Variants in FAM193A observed in about 807,000 individuals in gnomAD.
The protein encoded by FAM193A is family with sequence similarity 193 member A, also known as protein FAM193A.
FAM193A carries 22 observed loss-of-function variants against 126.5 expected under a neutral mutation model. That is an observed-to-expected ratio of 0.17 (90% CI 0.12 to 0.25). The LOEUF is 0.25. Among genes scored for constraint, FAM193A ranks in the 10% least tolerant of loss-of-function variants. The probability of loss-of-function intolerance (pLI) is 1.00; values close to 1 mark genes in which losing one functional copy is unlikely to be tolerated. For synonymous variants in FAM193A, 761 were observed against 646.8 expected, an observed-to-expected ratio of 1.18 and a Z score of -2.68; for missense variants, 1,675 against 1,672.8, an observed-to-expected ratio of 1.00 and a Z score of -0.02.
intron 20 of FAM193A, among the ~76,000 whole-genome samples, chr4:2,727,832 CT>C (rs1219551132): frequency 1.3e-5 from 2 of 151,972 alleles, no homozygotes; most frequent in Non-Finnish European, 2.9e-5. Flanking sequence ...CCCCAAAAGA[CT>C]TTCTAAAAAT....
intron 19 of FAM193A, among the ~76,000 whole-genome samples, chr4:2,706,213 A>G (rs1577243298): frequency 1.3e-5 from 2 of 152,138 alleles, no homozygotes; most frequent in East Asian, 3.8e-4. Context: ...TTCTACAAAA[A>G]CAAAAATAAA....
In FAM193A at chr4:2,696,232, G is replaced by A. The variant is rs532102131; in HGVS notation, c.3277-131G>A. 1.6e-4 allele frequency: 102 copies of A among 651,316 alleles called. No homozygotes were observed. The African/African-American group carries it at 1.8e-3, about 12-fold the overall frequency. The allele number at this position is 651,316 out of a possible 1,614,324, so 40.3% of individuals were successfully genotyped here. A position where few individuals can be genotyped will look rare whatever the true frequency, so the allele number is the denominator to read the frequency against. The stretch of plus-strand genomic sequence containing the variant: ...TTTTTCTCTTTTTCTGCTGGTTGTT[G>A]TATTTCCTTATTTTTCACAACAAAT... On this transcript the variant is annotated intron_variant, in intron 17 of 20. Transcript: ENST00000637812.
intron 13 of FAM193A, among the ~76,000 whole-genome samples, chr4:2,683,421 G>C (rs1310653183): frequency 6.6e-6 from 1 of 151,878 alleles, no homozygotes; most frequent in East Asian, 1.9e-4. Flanking sequence ...CAGCCTCCCA[G>C]GTAGCTGGGA....
At chr4:2,664,287 C>T (rs889241414) in intron 12 of FAM193A, among the ~76,000 whole-genome samples, 2 of 152,146 alleles carry the variant, frequency 1.3e-5, no homozygotes. Context: ...ATAAATTCAC[C>T]TTTTCTGCAT....
intron 15 of FAM193A, among the ~76,000 whole-genome samples, chr4:2,692,454 A>G (rs1250890528): frequency 6.6e-6 from 1 of 152,192 alleles, no homozygotes; most frequent in Non-Finnish European, 1.5e-5. Flanking sequence ...CTGGGTACCG[A>G]CAGATTACAA....
At chr4:2,714,578 C>T (rs576936666) in intron 19 of FAM193A, among the ~76,000 whole-genome samples, 2 of 152,248 alleles carry the variant, frequency 1.3e-5, no homozygotes, top group East Asian at 3.9e-4. Context: ...CAGTTGGGAT[C>T]CGAGATAGCC....
intron 2 of FAM193A, among the ~76,000 whole-genome samples, chr4:2,617,586 A>AT (rs1001594554): frequency 1.3e-5 from 2 of 151,472 alleles, no homozygotes; most frequent in African/African-American, 2.4e-5. Flanking sequence ...AAACTCTTTC[A>AT]TTTTGTCTCC....
At chr4:2,725,555 C>T (rs1002906189) in intron 20 of FAM193A, among the ~76,000 whole-genome samples, 21 of 151,042 alleles carry the variant, frequency 1.4e-4, no homozygotes, top group African/African-American at 4.7e-4. Flanking sequence ...GAGTAATCCA[C>T]CTGCTGTATT....
chr4:2,602,179 A>G (rs1467854040), intron 2 of FAM193A, among the ~76,000 whole-genome samples: 1 of 151,796 alleles, frequency 6.6e-6, no homozygotes, highest in Middle Eastern at 3.4e-3. Context: ...CTATATATTA[A>G]TATTTGATTG....
At chr4:2,655,265 G>C (rs1711538086) in intron 7 of FAM193A, 2 of 464,488 alleles carry the variant, frequency 4.3e-6, no homozygotes, top group South Asian at 1.0e-4. Context: ...TGTCAAAATT[G>C]ATGGTATGAT....
chr4:2,601,563 C>CT (rs201363643), intron 2 of FAM193A, among the ~76,000 whole-genome samples: 4,216 of 151,634 alleles, frequency 0.028, 180 homozygotes, highest in African/African-American at 0.096. Flanking sequence ...TTTGTGCCTT[C>CT]TTTTTTTTCT....
intron 14 of FAM193A, among the ~76,000 whole-genome samples, chr4:2,690,324 C>G (rs903425691): frequency 6.6e-6 from 1 of 152,212 alleles, no homozygotes; most frequent in South Asian, 2.1e-4. Context: ...TGTGCCAGAA[C>G]AGCAGGCTAG....
chr4:2,658,382 C>T (rs925902015), intron 8 of FAM193A, among the ~76,000 whole-genome samples: 2 of 152,128 alleles, frequency 1.3e-5, no homozygotes, highest in East Asian at 1.9e-4. Flanking sequence ...ATCTTCCTGG[C>T]GGTGCCTCCT....
intron 13 of FAM193A, among the ~76,000 whole-genome samples, chr4:2,672,675 C>T (rs1293739620): frequency 5.9e-5 from 9 of 152,220 alleles, no homozygotes; most frequent in Admixed American, 5.2e-4. Flanking sequence ...AATATTTCCA[C>T]AGGAGACCAG....
intron 2 of FAM193A, among the ~76,000 whole-genome samples, chr4:2,622,968 G>T (rs913899142): frequency 4.6e-5 from 7 of 152,052 alleles, no homozygotes; most frequent in Non-Finnish European, 8.8e-5. Flanking sequence ...TAGGGACTTC[G>T]TGCTGGACTG....
At chr4:2,700,946 C>T (rs957044029) in intron 19 of FAM193A, among the ~76,000 whole-genome samples, 28 of 151,842 alleles carry the variant, frequency 1.8e-4, no homozygotes, top group African/African-American at 6.6e-4. Context: ...GCGTGGGTGA[C>T]AGAGAGACTC....
intron 1 of FAM193A, among the ~76,000 whole-genome samples, chr4:2,565,078 G>A (rs909045104): frequency 3.3e-5 from 5 of 152,022 alleles, no homozygotes; most frequent in African/African-American, 7.2e-5. Flanking sequence ...GGGGAGTATA[G>A]GAGTGAGCCA....
chr4:2,662,528 C>A (rs553199922), intron 10 of FAM193A, among the ~76,000 whole-genome samples: 1 of 152,314 alleles, frequency 6.6e-6, no homozygotes, highest in South Asian at 2.1e-4. Flanking sequence ...TACCAGCGCT[C>A]TTCAGGTCAA....
chr4:2,731,208 A>C, intron 20 of FAM193A, among the ~76,000 whole-genome samples: 1 of 64,412 alleles, frequency 1.6e-5, no homozygotes, highest in East Asian at 5.4e-4. Flanking sequence ...AAAAAAAAAA[A>C]AAAAAAAAAA....
Sources: allele counts gnomAD v4.1 joint callset (sites outside exome capture counted in the v4.1 genomes callset), GRCh38; gene constraint gnomAD v4.1.1; transcripts MANE v1.5; gene names NCBI Gene and HGNC (gene_info 2026-07-23, HGNC 2026-07-21).